MYOM1: variants seen among roughly 807,000 people sequenced by gnomAD.
MYOM1 encodes myomesin 1.
Under a neutral mutation model 205.3 loss-of-function variants are expected in MYOM1, and 164 were observed. That is an observed-to-expected ratio of 0.80 (90% CI 0.70 to 0.91). The LOEUF is 0.91. Ranked by LOEUF, MYOM1 falls within the 40% of genes least tolerant of loss-of-function variation. MYOM1 has a pLI of 0.00. For synonymous variants in MYOM1, 772 were observed against 789.4 expected, an observed-to-expected ratio of 0.98 and a Z score of 0.37; for missense variants, 2,011 against 2,127.3, an observed-to-expected ratio of 0.95 and a Z score of 1.08.
At chr18:3,176,163 A>T (rs368720212) in intron 5 of MYOM1, 29 bp from the exon 6 acceptor site, 44 of 1,364,670 alleles carry the variant, frequency 3.2e-5, no homozygotes, top group Non-Finnish European at 4.5e-5. Flanking sequence ...AAAATGAAGT[A>T]AGTTGAAGTG....
chr18:3,084,439 T>C (rs531136910), intron 31 of MYOM1, among the ~76,000 whole-genome samples: 1 of 152,220 alleles, frequency 6.6e-6, no homozygotes, highest in Admixed American at 6.5e-5. Context: ...TTCATCAGCC[T>C]GATAATGCTT....
chr18:3,079,501 T>A (rs988924798), intron 33 of MYOM1, among the ~76,000 whole-genome samples, 159 bp from the exon 34 acceptor site: 1 of 152,138 alleles, frequency 6.6e-6, no homozygotes, highest in African/African-American at 2.4e-5. Context: ...TTATGGGCCA[T>A]GACACACAGA....
rs1020963908 is a variant in MYOM1 at position 3,094,434 on chromosome 18, A to G, written c.3728-128T>C. On this transcript the variant is annotated intron_variant, in intron 25 of 37. Transcript: ENST00000356443. Reference sequence around the variant, plus strand: ...TGACAATGTAGCACCTGCTTCTTGCAAAGCCCAGAGGCAGTGAGAGTTGCA... The same window carrying G: ...TGACAATGTAGCACCTGCTTCTTGCGAAGCCCAGAGGCAGTGAGAGTTGCA... The G allele has an allele frequency of 4.2e-5, 41 of 977,966 alleles. No homozygotes were observed. The African/African-American group carries it at 5.8e-4, about 14-fold the overall frequency. 60.6% of individuals were successfully genotyped at this position (977,966 alleles called of 1,614,324 possible). A position where few individuals can be genotyped will look rare whatever the true frequency, so the allele number is the denominator to read the frequency against.
intron 31 of MYOM1, 80 bp downstream of exon 31, chr18:3,084,965 G>A (rs1035748901): frequency 2.0e-5 from 21 of 1,066,444 alleles, no homozygotes; most frequent in Middle Eastern, 4.1e-4. Flanking sequence ...GATTTCAATC[G>A]TCAGCTCGGC....
At chr18:3,070,736 TTGTGTGTGTGTGTGTGTGTG>T (rs57044157) in intron 37 of MYOM1, among the ~76,000 whole-genome samples, 7 of 146,102 alleles carry the variant, frequency 4.8e-5, no homozygotes, top group African/African-American at 1.8e-4. Context: ...TGCATGTTCT[TTGTGTGTGTGTGTGTGTGTG>T]TGTGTGTGTG....
At chr18:3,123,944 C>T (rs2079737277) in intron 19 of MYOM1, among the ~76,000 whole-genome samples, 1 of 151,268 alleles carries the variant, frequency 6.6e-6, no homozygotes, top group African/African-American at 2.5e-5. Context: ...GCCTCAGCCT[C>T]CTGAGTAAAA....
chr18:3,240,476 TTC>T, the MYOM1 span, among the ~76,000 whole-genome samples: 1 of 152,222 alleles, frequency 6.6e-6, no homozygotes, highest in Non-Finnish European at 1.5e-5. Flanking sequence ...CAAGTTTTTC[TTC>T]TCTTGTCTGC....
At chr18:3,206,380 T>C (rs1184721638) in intron 2 of MYOM1, among the ~76,000 whole-genome samples, 1 of 152,184 alleles carries the variant, frequency 6.6e-6, no homozygotes, top group African/African-American at 2.4e-5. Context: ...TTTTAAACTG[T>C]GGGTCAGCTT....
At chr18:3,198,626 A>T (rs777103878) in intron 2 of MYOM1, among the ~76,000 whole-genome samples, 1 of 152,058 alleles carries the variant, frequency 6.6e-6, no homozygotes, top group Non-Finnish European at 1.5e-5. Flanking sequence ...TCTACTAAAA[A>T]TACAAAACTT....
intron 16 of MYOM1, among the ~76,000 whole-genome samples, chr18:3,132,142 T>C (rs997594797): frequency 2.2e-5 from 3 of 134,402 alleles, no homozygotes; most frequent in Middle Eastern, 7.8e-3. Flanking sequence ...ATATGAGTTA[T>C]ACTCTAAAAT....
upstream of MYOM1, among the ~76,000 whole-genome samples, chr18:3,224,621 T>C (rs371019808): frequency 7.9e-5 from 12 of 152,372 alleles, no homozygotes; most frequent in Admixed American, 2.6e-4. Context: ...ACATAATTTG[T>C]TGTGAAATGC....
intron 14 of MYOM1, among the ~76,000 whole-genome samples, chr18:3,137,459 T>C (rs1374882145): frequency 6.6e-6 from 1 of 152,180 alleles, no homozygotes; most frequent in Admixed American, 6.5e-5. Context: ...GAAAATGTGG[T>C]AAATATGCAC....
At chr18:3,083,074 GGTAA>G (rs2143677595) in intron 33 of MYOM1, among the ~76,000 whole-genome samples, 1 of 152,310 alleles carries the variant, frequency 6.6e-6, no homozygotes, top group East Asian at 1.9e-4. Context: ...TAGAAAGAAA[GGTAA>G]GAATGTGGCT....
chr18:3,081,125 C>T (rs1264300445), intron 33 of MYOM1, among the ~76,000 whole-genome samples: 12 of 144,650 alleles, frequency 8.3e-5, no homozygotes, highest in South Asian at 4.4e-4. Flanking sequence ...AGTGAGACTC[C>T]GTCTCAAAAA....
chr18:3,172,097 G>C (rs2080566075), intron 8 of MYOM1, among the ~76,000 whole-genome samples: 1 of 152,196 alleles, frequency 6.6e-6, no homozygotes, highest in Non-Finnish European at 1.5e-5. Context: ...AAAAGTCTTA[G>C]TACATTGTCT....
chr18:3,136,147 A>C (rs1451384004), intron 14 of MYOM1, among the ~76,000 whole-genome samples: 2 of 152,094 alleles, frequency 1.3e-5, no homozygotes, highest in South Asian at 2.1e-4. Flanking sequence ...ACCGTGTAAG[A>C]CGTGCCTTTC....
chr18:3,144,378 A>G (rs755751108), intron 13 of MYOM1, among the ~76,000 whole-genome samples: 15 of 152,190 alleles, frequency 9.9e-5, no homozygotes, highest in Non-Finnish European at 1.5e-4. Context: ...GAATAATAAA[A>G]AATACTCAAT....
rs183262462 is a variant in MYOM1, at chr18:3,155,430, T to C, written c.1502-342A>G. Among the ~76,000 whole-genome samples, 674 of 152,328 alleles carry C rather than the reference T, an allele frequency of 4.4e-3. 4 individuals carry two copies. Among genetic ancestry groups the C allele is most frequent in the South Asian group, 0.024 (116 of 4,828 alleles). On this transcript the variant is annotated intron_variant, in intron 10 of 37. Coordinates refer to ENST00000356443, the MANE Select transcript of MYOM1 (RefSeq NM_003803.4). ...TGGTAGAGATGGGGTTTCACCGTGT[T>C]AGCCAGGATGGTCTTGATCTCCTGA... is the stretch of plus-strand genomic sequence containing the variant.
Position 3,067,284 on chromosome 18 carries a change from T to G in MYOM1, c.5036A>C (p.Lys1679Thr). 1 of 1,606,842 alleles carries G rather than the reference T, an allele frequency of 6.2e-7. No individual in the cohort carries two copies. Among genetic ancestry groups the G allele is most frequent in the South Asian group, 1.1e-5 (1 of 90,004 alleles). Reference sequence around the variant, plus strand: ...CGGTCACTTGGCCTTCTTGCCACCTTTCAGGGACTCCAAGGCGGCCATCCT... The same window carrying G: ...CGGTCACTTGGCCTTCTTGCCACCTGTCAGGGACTCCAAGGCGGCCATCCT... ...EARMAALESL[K>T]GGKKAK Residue 1679 changes from lysine to threonine, a missense_variant, in exon 38 of 38, where the codon AAA becomes ACA. Lys to Thr is a moderately conservative substitution (Grantham distance 78). Coordinates refer to ENST00000356443, the MANE Select transcript of MYOM1 (RefSeq NM_003803.4).
Sources: allele counts gnomAD v4.1 joint callset (sites outside exome capture counted in the v4.1 genomes callset), GRCh38; gene constraint gnomAD v4.1.1; transcripts MANE v1.5; gene names NCBI Gene and HGNC (gene_info 2026-07-23, HGNC 2026-07-21).